The following CTDNEP1 variants were observed in gnomAD, a reference collection of about 807,000 sequenced individuals.
The protein encoded by CTDNEP1 is C-terminal domain nuclear envelope phosphatase 1.
CTDNEP1 carries 3 observed loss-of-function variants against 30.1 expected under a neutral mutation model. That is an observed-to-expected ratio of 0.10 (90% CI 0.05 to 0.26). CTDNEP1 has a LOEUF of 0.26. Ranked by LOEUF, CTDNEP1 falls within the 10% of genes least tolerant of loss-of-function variation. The probability of loss-of-function intolerance (pLI) is 1.00; values close to 1 mark genes in which losing one functional copy is unlikely to be tolerated. For missense variants in CTDNEP1, 158 were observed against 310.4 expected (o/e 0.51, Z 3.69); for synonymous variants, 123 against 118.8 (o/e 1.04, Z -0.23).
intron 1 of CTDNEP1, among the ~76,000 whole-genome samples, chr17:7,249,630 G>A (rs769218731): frequency 1.3e-5 from 2 of 152,170 alleles, no homozygotes; most frequent in African/African-American, 4.8e-5. Context: ...AAAGAAAACC[G>A]CTGGAGGCCG....
Position 7,251,225 on chromosome 17 carries a change from G to T in CTDNEP1, c.72C>A (p.Phe24Leu). ...VAFAAKLWSFFIYLLRRQIRT... is the reference protein window; with the variant it reads ...VAFAAKLWSFLIYLLRRQIRT... ...GGATCTGCCTCCGCAGAAGGTAAAT[G>T]AAGAAGCTCCAGAGCTTGGCGGCGA... Residue 24 changes from phenylalanine (F) to leucine (L), a missense_variant, in exon 1 of 8, where the codon TTC becomes TTA. This residue lies in a region of CTDNEP1 where 62 missense variants were observed against 81.4 expected (regional missense o/e 0.76). Transcript: ENST00000574322. 6.2e-7 allele frequency: 1 copy of T among 1,603,244 alleles called. No homozygotes were observed. The highest frequency in any genetic ancestry group is 1.1e-5 in the South Asian group (1 of 88,942).
intron 6 of CTDNEP1, 83 bp from the exon 7 acceptor site, chr17:7,244,718 T>G: frequency 1.1e-5 from 12 of 1,053,674 alleles, no homozygotes; most frequent in Non-Finnish European, 1.6e-5. Flanking sequence ...AAGGAGGAAT[T>G]ATTGTTAAAA....
At chr17:7,249,555 C>G (rs938166937) in intron 1 of CTDNEP1, among the ~76,000 whole-genome samples, 1 of 152,184 alleles carries the variant, frequency 6.6e-6, no homozygotes, top group African/African-American at 2.4e-5. Flanking sequence ...TGAAGCACCA[C>G]TCCGTATGCC....
At chr17:7,250,045 G>A (rs1022287137) in intron 1 of CTDNEP1, among the ~76,000 whole-genome samples, 7 of 152,118 alleles carry the variant, frequency 4.6e-5, no homozygotes, top group African/African-American at 1.7e-4. Context: ...TGTACTGTTC[G>A]CGCCCTAAAT....
intron 1 of CTDNEP1, among the ~76,000 whole-genome samples, chr17:7,248,259 CAAAAAAAA>C (rs755835552): frequency 3.3e-3 from 51 of 15,380 alleles, no homozygotes; most frequent in Non-Finnish European, 0.014. Context: ...GACTCCGTCG[CAAAAAAAA>C]AAAAAAAAAA....
Position 7,246,677 on chromosome 17 carries a change from T to C in CTDNEP1, c.360+114A>G, listed in dbSNP as rs1193164764. The C allele has an allele frequency of 1.0e-5, 9 of 873,304 alleles. No homozygotes were observed. The highest frequency in any genetic ancestry group is 5.6e-6 in the Non-Finnish European group (3 of 537,430). The allele number at this position is 873,304 out of a possible 1,614,324, so 54.1% of individuals were successfully genotyped here. On this transcript the variant is annotated intron_variant, in intron 4 of 7. Transcript: ENST00000574322. This position sits in a 1 kb window ranked among gnomAD's most constrained non-coding sequence, Gnocchi z 4.9. ...CCCTACCATTACACAGCCTCCCCTC[T>C]AGAAAACTGCTCTAACCCGTTTCTC...
At chr17:7,251,146 C>A in intron 1 of CTDNEP1, 49 bp downstream of exon 1, 3 of 1,384,130 alleles carry the variant, frequency 2.2e-6, no homozygotes, top group African/African-American at 3.3e-5. Flanking sequence ...ACAGATGTCC[C>A]CAACACCGCC....
Position 7,246,150 on chromosome 17 carries a change from G to A in CTDNEP1, c.478-13C>T, listed in dbSNP as rs1356705935. The A allele has an allele frequency of 1.9e-6, 3 of 1,606,304 alleles. No homozygotes were observed. The South Asian group carries it at 3.3e-5, about 18-fold the overall frequency. On this transcript the variant is annotated splice_polypyrimidine_tract_variant and intron_variant, in intron 5 of 7. Coordinates refer to ENST00000574322, the MANE Select transcript of CTDNEP1 (RefSeq NM_001143775.2). This position sits in a 1 kb window ranked among gnomAD's most constrained non-coding sequence, Gnocchi z 4.9. ...CCAAAGTGCAGTGCTGGAAGGCAGG[G>A]GATCATGTAGCAGGCCTCTCTCCAG...
intron 6 of CTDNEP1, 109 bp downstream of exon 6, chr17:7,245,917 G>A: frequency 1.4e-6 from 1 of 690,280 alleles, no homozygotes; most frequent in Non-Finnish European, 2.6e-6. Flanking sequence ...GCAAACTAGG[G>A]ATAATCTAGG....
At chr17:7,247,555 G>A (rs551731053) in intron 1 of CTDNEP1, among the ~76,000 whole-genome samples, 14 of 148,656 alleles carry the variant, frequency 9.4e-5, no homozygotes, top group East Asian at 6.0e-4. Flanking sequence ...TGCAACCTCC[G>A]CCTCCCAGGT....
intron 1 of CTDNEP1, among the ~76,000 whole-genome samples, chr17:7,248,982 GTC>G (rs1287199410): frequency 5.3e-5 from 8 of 152,148 alleles, no homozygotes; most frequent in Non-Finnish European, 2.9e-5. Context: ...CCTCTGAACA[GTC>G]TCCTTATCCT....
chr17:7,251,334 C>A lies in CTDNEP1; in HGVS notation c.-38G>T. Reference sequence around the variant, plus strand: ...GGCACCGCCGGCCCCGGGGCCCCCGCGGCCCAGCTCCGCCAGCCCCCCGGG... The same window carrying A: ...GGCACCGCCGGCCCCGGGGCCCCCGAGGCCCAGCTCCGCCAGCCCCCCGGG... On this transcript the variant is annotated 5_prime_UTR_variant, in exon 1 of 8. Transcript: ENST00000574322. 7.3e-7 allele frequency: 1 copy of A among 1,378,720 alleles called. No individual in the cohort carries two copies. 85.4% of individuals were successfully genotyped at this position (1,378,720 alleles called of 1,614,324 possible). A position where few individuals can be genotyped will look rare whatever the true frequency, so the allele number is the denominator to read the frequency against.
In CTDNEP1 at chr17:7,251,540, CCG is replaced by C. The variant is rs1471687451; in HGVS notation, c.-246_-245del. The C allele has an allele frequency of 2.9e-6, 1 of 339,970 alleles. No homozygotes were observed. Among genetic ancestry groups the C allele is most frequent in the African/African-American group, 2.2e-5 (1 of 45,620 alleles). The allele number at this position is 339,970 out of a possible 1,614,324, so 21.1% of individuals were successfully genotyped here. On this transcript the variant is annotated 5_prime_UTR_variant, in exon 1 of 8. Transcript: ENST00000574322. ...GGGCCCACATGGGCTGGGAGTGGCACCGACGGCTTCGGGGAGGTTGCGGGCCG... is the reference window on the plus strand; with the variant it reads ...GGGCCCACATGGGCTGGGAGTGGCACACGGCTTCGGGGAGGTTGCGGGCCG...
At chr17:7,249,411 GTA>G (rs2071884403) in intron 1 of CTDNEP1, among the ~76,000 whole-genome samples, 1 of 152,242 alleles carries the variant, frequency 6.6e-6, no homozygotes, top group East Asian at 1.9e-4. Flanking sequence ...TGCTGGGCAT[GTA>G]GGGAATGCTC....
At position 7,244,640 on chromosome 17, in the gene CTDNEP1, G is replaced by C; in HGVS notation, c.590-5C>G. The C allele has an allele frequency of 6.3e-7, 1 of 1,581,226 alleles. No homozygotes were observed. The highest frequency in any genetic ancestry group is 8.6e-7 in the Non-Finnish European group (1 of 1,167,204). ...ATTTGATGGGGATGGCATTGTCTAGGGTGGGTGAAAATGCAGATGAGAAGA... is the reference window on the plus strand; with the variant it reads ...ATTTGATGGGGATGGCATTGTCTAGCGTGGGTGAAAATGCAGATGAGAAGA... On this transcript the variant is annotated splice_region_variant and splice_polypyrimidine_tract_variant and intron_variant, in intron 6 of 7. Transcript: ENST00000574322.
chr17:7,245,997 C>A, intron 6 of CTDNEP1, 29 bp downstream of exon 6: 1 of 1,471,304 alleles, frequency 6.8e-7, no homozygotes, highest in South Asian at 1.1e-5. Context: ...ATGTTCTGGT[C>A]CTGCCAGACT....
chr17:7,243,647 A>C lies in CTDNEP1; in HGVS notation c.*538T>G, dbSNP rs942539497. On this transcript the variant is annotated 3_prime_UTR_variant, in exon 8 of 8. Transcript: ENST00000574322. Reference sequence around the variant, plus strand: ...AAGAGAGAAAAGGAAAAAAGACACAAAGCTGGTTACAGGTCTGAGGGAGTC... The same window carrying C: ...AAGAGAGAAAAGGAAAAAAGACACACAGCTGGTTACAGGTCTGAGGGAGTC... 6 of 153,924 alleles carry C rather than the reference A, an allele frequency of 3.9e-5. No individual in the cohort carries two copies. The highest frequency in any genetic ancestry group is 1.4e-4 in the African/African-American group (6 of 41,440). 9.5% of individuals were successfully genotyped at this position (153,924 alleles called of 1,614,324 possible).
rs2071834395 is a variant in CTDNEP1, at chr17:7,246,174, A to G, written c.478-37T>C. The G allele has an allele frequency of 1.3e-6, 2 of 1,591,474 alleles. No individual in the cohort carries two copies. The highest frequency in any genetic ancestry group is 1.3e-5 in the African/African-American group (1 of 74,436). On this transcript the variant is annotated intron_variant, in intron 5 of 7. Coordinates refer to ENST00000574322, the MANE Select transcript of CTDNEP1 (RefSeq NM_001143775.2). This position sits in a 1 kb window ranked among gnomAD's most constrained non-coding sequence, Gnocchi z 4.9. Reference sequence around the variant, plus strand: ...GGGATCATGTAGCAGGCCTCTCTCCAGGATACTCTCCTCAAACCCAGATCC... The same window carrying G: ...GGGATCATGTAGCAGGCCTCTCTCCGGGATACTCTCCTCAAACCCAGATCC...
chr17:7,245,120 G>A (rs1248023830), intron 6 of CTDNEP1, among the ~76,000 whole-genome samples: 2 of 152,218 alleles, frequency 1.3e-5, no homozygotes, highest in East Asian at 3.9e-4. Flanking sequence ...GTGAAACTCC[G>A]TCGCTACTAA....
Sources: gnomAD v4.1 joint callset for allele counts (sites outside exome capture counted in the v4.1 genomes callset) on GRCh38, gnomAD v4.1.1 for gene constraint, gnomAD v4.1.1 regional missense constraint, Gnocchi (gnomAD v3.1) non-coding constraint, MANE v1.5 for transcripts, NCBI Gene and HGNC (gene_info 2026-07-23, HGNC 2026-07-21) for gene names.